The following CNTN5 variants were observed in gnomAD, a reference collection of about 807,000 sequenced individuals.
CNTN5 encodes contactin 5.
CNTN5 carries 77 observed loss-of-function variants against 129.1 expected under a neutral mutation model. The ratio of observed to expected loss-of-function variants is 0.60; its 90% CI spans 0.50 to 0.72. The LOEUF (loss-of-function observed/expected upper bound fraction) is 0.72. Ranked by LOEUF, CNTN5 falls within the 30% of genes least tolerant of loss-of-function variation. The pLI, the probability that CNTN5 is intolerant of heterozygous loss-of-function variation, is 0.00. For synonymous variants in CNTN5, 509 were observed against 465.6 expected (o/e 1.09, Z -1.20); for missense variants, 1,478 against 1,328.8 (o/e 1.11, Z -1.75).
At chr11:99,190,992 T>C (rs190563951) in intron 1 of CNTN5, among the ~76,000 whole-genome samples, 1 of 151,784 alleles carries the variant, frequency 6.6e-6, no homozygotes, top group African/African-American at 2.4e-5. Flanking sequence ...ATATATATTG[T>C]CTTTATTGTG....
intron 21 of CNTN5, among the ~76,000 whole-genome samples, chr11:100,312,485 T>C (rs1431531486): frequency 6.6e-6 from 1 of 152,066 alleles, no homozygotes; most frequent in Non-Finnish European, 1.5e-5. Context: ...TAGTAAAAGA[T>C]TTCCCTAATT....
intron 1 of CNTN5, among the ~76,000 whole-genome samples, chr11:99,172,089 T>C (rs1861174853): frequency 6.6e-6 from 1 of 152,240 alleles, no homozygotes; most frequent in South Asian, 2.1e-4. Flanking sequence ...ATGCTTTATA[T>C]GCAGAAGGCA....
At chr11:99,202,813 A>G (rs1258017557) in intron 1 of CNTN5, among the ~76,000 whole-genome samples, 1 of 151,352 alleles carries the variant, frequency 6.6e-6, no homozygotes, top group Non-Finnish European at 1.5e-5. Context: ...TTAATATAGT[A>G]AATGCCATTG....
chr11:99,997,629 G>A (rs1195782605), intron 8 of CNTN5, among the ~76,000 whole-genome samples: 1 of 152,112 alleles, frequency 6.6e-6, no homozygotes, highest in Non-Finnish European at 1.5e-5. Context: ...AATAGAAAAA[G>A]AGGGAATCCT....
At chr11:100,122,612 T>A (rs1032017843) in intron 13 of CNTN5, among the ~76,000 whole-genome samples, 1 of 151,984 alleles carries the variant, frequency 6.6e-6, no homozygotes, top group Non-Finnish European at 1.5e-5. Flanking sequence ...AATGTGAATG[T>A]CTGGGGAGGA....
intron 3 of CNTN5, among the ~76,000 whole-genome samples, chr11:99,710,154 C>T (rs772047616): frequency 2.6e-5 from 4 of 151,782 alleles, no homozygotes; most frequent in African/African-American, 9.7e-5. Context: ...ACTTCCCAGT[C>T]GATACGGTTC....
At chr11:99,072,667 T>C (rs533877028) in intron 1 of CNTN5, among the ~76,000 whole-genome samples, 100 of 152,280 alleles carry the variant, frequency 6.6e-4, no homozygotes, top group Admixed American at 1.2e-3. Flanking sequence ...CTGATTATTA[T>C]ATGCTTACTG....
intron 8 of CNTN5, among the ~76,000 whole-genome samples, chr11:99,973,328 G>T (rs1937701698): frequency 6.6e-6 from 1 of 152,106 alleles, no homozygotes; most frequent in Non-Finnish European, 1.5e-5. Context: ...CCTAGTTTTT[G>T]TGGGCCTTTA....
chr11:100,335,322 T>C (rs1952012918), intron 21 of CNTN5, among the ~76,000 whole-genome samples: 1 of 152,030 alleles, frequency 6.6e-6, no homozygotes, highest in Admixed American at 6.5e-5. Flanking sequence ...AACTCATGAG[T>C]TTTAGATTTT....
chr11:99,672,042 C>CA (rs921872498), intron 3 of CNTN5, among the ~76,000 whole-genome samples: 61 of 152,218 alleles, frequency 4.0e-4, no homozygotes, highest in African/African-American at 1.3e-3. Context: ...CAGCGGTATC[C>CA]AAAATGACAT....
At chr11:99,885,856 G>A (rs1303312782) in intron 6 of CNTN5, among the ~76,000 whole-genome samples, 1 of 152,022 alleles carries the variant, frequency 6.6e-6, no homozygotes, top group Non-Finnish European at 1.5e-5. Context: ...GTTGCAAAAA[G>A]TCCTCCAAAA....
rs1591131463 is a variant in CNTN5 at position 99,479,114 on chromosome 11, T to A, written c.-70-77031T>A. Among the ~76,000 whole-genome samples the A allele has an allele frequency of 2.0e-5, 3 of 152,146 alleles. No individual in the cohort carries two copies. The East Asian group carries it at 5.8e-4, about 29-fold the overall frequency. On this transcript the variant is annotated intron_variant, in intron 2 of 24. Transcript: ENST00000524871. ...TTCATATGGCTTTTCTGGTTCTTGG[T>A]GGAAATAGAGCATAAAGAAATCAAC...
chr11:99,734,053 T>A (rs1943621042), intron 3 of CNTN5, among the ~76,000 whole-genome samples: 1 of 152,144 alleles, frequency 6.6e-6, no homozygotes, highest in African/African-American at 2.4e-5. Flanking sequence ...TTTGGAGTCT[T>A]CCAAAGAAGT....
intron 1 of CNTN5, among the ~76,000 whole-genome samples, chr11:99,271,918 T>A (rs1050825047): frequency 6.6e-6 from 1 of 151,888 alleles, no homozygotes; most frequent in Non-Finnish European, 1.5e-5. Context: ...ATTTTCACGA[T>A]GTTCAGCCTG....
intron 13 of CNTN5, among the ~76,000 whole-genome samples, chr11:100,185,542 AT>A (rs1948274186): frequency 6.6e-6 from 1 of 152,284 alleles, no homozygotes; most frequent in Non-Finnish European, 1.5e-5. Context: ...GGGAAAAATG[AT>A]TCCTAACTTC....
intron 2 of CNTN5, among the ~76,000 whole-genome samples, chr11:99,465,643 T>TG (rs1167869952): frequency 6.6e-6 from 1 of 151,044 alleles, no homozygotes; most frequent in East Asian, 1.9e-4. Flanking sequence ...TTAATTTTTT[T>TG]TAGATAAGCT....
At chr11:100,036,178 C>A (rs1220683716) in intron 9 of CNTN5, among the ~76,000 whole-genome samples, 1 of 152,146 alleles carries the variant, frequency 6.6e-6, no homozygotes, top group Non-Finnish European at 1.5e-5. Context: ...TTTCAGCTTT[C>A]TACATATGGC....
At chr11:99,911,644 G>A (rs995184952) in intron 6 of CNTN5, among the ~76,000 whole-genome samples, 4 of 151,280 alleles carry the variant, frequency 2.6e-5, no homozygotes, top group African/African-American at 9.7e-5. Context: ...TTAAAATAAT[G>A]CTTTTTAGGG....
chr11:100,334,385 G>A (rs1032935321), intron 21 of CNTN5, among the ~76,000 whole-genome samples: 1 of 152,014 alleles, frequency 6.6e-6, no homozygotes, highest in Non-Finnish European at 1.5e-5. Flanking sequence ...TTCCTTAAAG[G>A]ACTAAAAGTA....
Sources: gnomAD v4.1 joint callset for allele counts (sites outside exome capture counted in the v4.1 genomes callset) on GRCh38, gnomAD v4.1.1 for gene constraint, MANE v1.5 for transcripts, NCBI Gene and HGNC (gene_info 2026-07-23, HGNC 2026-07-21) for gene names.